Variants in TTLL4 observed in about 807,000 individuals in gnomAD.
TTLL4 encodes tubulin monoglutamylase TTLL4.
TTLL4 carries 85 observed loss-of-function variants against 122.7 expected under a neutral mutation model. That is an observed-to-expected ratio of 0.69 (90% CI 0.58 to 0.83). The LOEUF is 0.83. TTLL4 is among the 40% of genes least tolerant of loss of function. The pLI, the probability that TTLL4 is intolerant of heterozygous loss-of-function variation, is 0.00. For synonymous variants in TTLL4, 553 were observed against 563.0 expected (o/e 0.98, Z 0.25); for missense variants, 1,363 against 1,488.6 (o/e 0.92, Z 1.39).
intron 14 of TTLL4, 50 bp from the exon 15 acceptor site, chr2:218,749,959 G>A: frequency 6.2e-7 from 1 of 1,600,640 alleles, no homozygotes; most frequent in Non-Finnish European, 8.5e-7. Context: ...TATGACCAGA[G>A]ACTGTTTCGG....
chr2:218,748,978 C>T (rs1166558848), intron 13 of TTLL4, 44 bp downstream of exon 13: 2 of 1,591,152 alleles, frequency 1.3e-6, no homozygotes, highest in African/African-American at 2.7e-5. Context: ...GCTGCTGACC[C>T]CCTCCTTTCT....
intron 1 of TTLL4, among the ~76,000 whole-genome samples, chr2:218,712,547 C>T (rs1000142178): frequency 1.2e-4 from 19 of 152,032 alleles, no homozygotes; most frequent in African/African-American, 3.9e-4. Flanking sequence ...CTGCCACGCT[C>T]GGTTAATTTT....
In TTLL4 at chr2:218,735,658, T is replaced by G. The variant is rs531825160; in HGVS notation, c.-98-1921T>G. Among the ~76,000 whole-genome samples the G allele has an allele frequency of 4.7e-4, 71 of 152,024 alleles. No homozygotes were observed. The South Asian group carries it at 6.6e-3, about 14-fold the overall frequency. ...AGAATGTCAGGATTCCATTCAGAAT[T>G]ATCCCAGACAAATGACTCCTTTTTT... is the stretch of plus-strand genomic sequence containing the variant. On this transcript the variant is annotated intron_variant, in intron 2 of 19. Transcript: ENST00000392102.
rs1942800432 is a variant in TTLL4 at position 218,744,990 on chromosome 2, G to C, written c.1662-119G>C. ...ATAATTATTAATTATTGAGCACCTG[G>C]CTTTTTAGAATCACAAGTTAAAAGA... On this transcript the variant is annotated intron_variant, in intron 5 of 19. Coordinates refer to ENST00000392102, the MANE Select transcript of TTLL4 (RefSeq NM_014640.5). 2.9e-6 allele frequency: 4 copies of C among 1,375,868 alleles called. No individual in the cohort carries two copies. The African/African-American group carries it at 4.4e-5, about 15-fold the overall frequency. 85.2% of individuals were successfully genotyped at this position (1,375,868 alleles called of 1,614,324 possible).
chr2:218,731,568 G>C (rs1942383264), intron 2 of TTLL4, among the ~76,000 whole-genome samples: 1 of 152,196 alleles, frequency 6.6e-6, no homozygotes, highest in Non-Finnish European at 1.5e-5. Flanking sequence ...GGGGCAGAGG[G>C]GAGATAGATC....
chr2:218,734,815 A>AG (rs1220336737), intron 2 of TTLL4, among the ~76,000 whole-genome samples: 3 of 152,202 alleles, frequency 2.0e-5, no homozygotes, highest in Non-Finnish European at 4.4e-5. Context: ...ATACACATGC[A>AG]TGCGTGCTTG....
chr2:218,754,327 A>C lies in TTLL4; in HGVS notation c.3538A>C (p.Arg1180=). The C allele has an allele frequency of 6.2e-7, 1 of 1,614,148 alleles. No homozygotes were observed. Among genetic ancestry groups the C allele is most frequent in the Non-Finnish European group, 8.5e-7 (1 of 1,180,034 alleles). The change falls in exon 20 of 20, where the codon AGA becomes CGA. Residue 1180 remains arginine (R), a synonymous_variant. Coordinates refer to ENST00000392102, the MANE Select transcript of TTLL4 (RefSeq NM_014640.5). Reference sequence around the variant, plus strand: ...GATCAAGTGCTCTGGGCAGACTTCAAGACTTTCTGCTTCCTCCACTTTCCA... The same window carrying C: ...GATCAAGTGCTCTGGGCAGACTTCACGACTTTCTGCTTCCTCCACTTTCCA... ...PVIKCSGQTS[R]LSASSTFQSI...
intron 19 of TTLL4, 33 bp downstream of exon 19, chr2:218,753,702 G>A: frequency 6.2e-7 from 1 of 1,609,198 alleles, no homozygotes; most frequent in East Asian, 2.2e-5. Context: ...AGGGGCTGCT[G>A]GCTGTGAGTT....
Position 218,754,846 on chromosome 2 carries a change from A to C in TTLL4, c.*457A>C. 1 of 168,936 alleles carries C rather than the reference A, an allele frequency of 5.9e-6. No homozygotes were observed. The highest frequency in any genetic ancestry group is 5.6e-5 in the Admixed American group (1 of 17,708). 10.5% of individuals were successfully genotyped at this position (168,936 alleles called of 1,614,324 possible). A position where few individuals can be genotyped will look rare whatever the true frequency, so the allele number is the denominator to read the frequency against. On this transcript the variant is annotated 3_prime_UTR_variant, in exon 20 of 20. Transcript: ENST00000392102. ...TCCTTACTTCCTTAGGTCTTTCCTC[A>C]CCCCTCTCCCACCGCTGTCCTGAGG...
chr2:218,751,830 G>A (rs760491190), intron 16 of TTLL4, 24 bp downstream of exon 16: 35 of 1,582,360 alleles, frequency 2.2e-5, no homozygotes, highest in African/African-American at 4.1e-5. Context: ...CTTCCCCCCA[G>A]TGCTAGCAGA....
chr2:218,721,243 T>C (rs1942031721), intron 1 of TTLL4, among the ~76,000 whole-genome samples: 1 of 151,998 alleles, frequency 6.6e-6, no homozygotes, highest in African/African-American at 2.4e-5. Flanking sequence ...CCCAATTAAT[T>C]AATTAATTAA....
intron 5 of TTLL4, 118 bp from the exon 6 acceptor site, chr2:218,744,991 C>A: frequency 7.1e-7 from 1 of 1,404,788 alleles, no homozygotes; most frequent in Non-Finnish European, 9.7e-7. Context: ...GAGCACCTGG[C>A]TTTTTAGAAT....
intron 2 of TTLL4, among the ~76,000 whole-genome samples, chr2:218,735,566 C>T (rs1942493917): frequency 6.6e-6 from 1 of 152,046 alleles, no homozygotes; most frequent in Admixed American, 6.6e-5. Flanking sequence ...AGAGCAAGAC[C>T]CTCAAAACAA....
chr2:218,738,962 G>A lies in TTLL4; in HGVS notation c.1286G>A (p.Ser429Asn). 1 of 1,614,210 alleles carries A rather than the reference G, an allele frequency of 6.2e-7. No individual in the cohort carries two copies. Among genetic ancestry groups the A allele is most frequent in the Admixed American group, 1.7e-5 (1 of 60,012 alleles). Residue 429 changes from serine to asparagine, a missense_variant, in exon 3 of 20, where the codon AGT becomes AAT. Transcript: ENST00000392102. ...ATTCACCTCCTTGCCTCACATGCCA[G>A]TGGGCTCAATCACAACCCTGCCTGT... Reference protein sequence around the residue: ...ISIHLLASHASGLNHNPACES... With the variant: ...ISIHLLASHANGLNHNPACES...
chr2:218,734,047 A>G (rs1575169211), intron 2 of TTLL4, among the ~76,000 whole-genome samples: 1 of 152,146 alleles, frequency 6.6e-6, no homozygotes, highest in South Asian at 2.1e-4. Context: ...ATTAAAGATA[A>G]TGGAGGGGAT....
At chr2:218,755,695 C>T (rs1943138636), downstream of TTLL4, among the ~76,000 whole-genome samples, 1 of 152,236 alleles carries the variant, frequency 6.6e-6, no homozygotes, top group Admixed American at 6.5e-5. Flanking sequence ...GTCCCTGCTA[C>T]TCAAGTTTTC....
chr2:218,747,567 G>A lies in TTLL4; in HGVS notation c.2250-30G>A. ...ACCCACTGAGCCCCATCATCTGGCT[G>A]TATGAGAAGCTGGCCTTTGTCCTAT... On this transcript the variant is annotated intron_variant, in intron 10 of 19. Coordinates refer to ENST00000392102, the MANE Select transcript of TTLL4 (RefSeq NM_014640.5). This position sits in a 1 kb window ranked among gnomAD's most constrained non-coding sequence, Gnocchi z 4.7. 7 of 1,611,608 alleles carry A rather than the reference G, an allele frequency of 4.3e-6. No homozygotes were observed. Among genetic ancestry groups the A allele is most frequent in the Non-Finnish European group, 5.9e-6 (7 of 1,178,470 alleles).
chr2:218,743,547 T>A (rs1575177314), intron 5 of TTLL4, among the ~76,000 whole-genome samples: 1 of 152,210 alleles, frequency 6.6e-6, no homozygotes, highest in East Asian at 1.9e-4. Context: ...AGTCTTCATC[T>A]CTCTGGGATA....
intron 2 of TTLL4, among the ~76,000 whole-genome samples, chr2:218,734,276 C>G (rs1337758735): frequency 6.6e-6 from 1 of 152,198 alleles, no homozygotes; most frequent in Non-Finnish European, 1.5e-5. Context: ...ACCAGACATT[C>G]ATTAGGTGCC....
Sources: allele counts gnomAD v4.1 joint callset (sites outside exome capture counted in the v4.1 genomes callset), GRCh38; gene constraint gnomAD v4.1.1; non-coding constraint Gnocchi (gnomAD v3.1); transcripts MANE v1.5; gene names NCBI Gene and HGNC (gene_info 2026-07-23, HGNC 2026-07-21).